CNTNAP4: variants seen among roughly 807,000 people sequenced by gnomAD.
CNTNAP4 encodes contactin associated protein family member 4, also known as contactin-associated protein-like 4.
Under a neutral mutation model 148.4 loss-of-function variants are expected in CNTNAP4, and 98 were observed. The ratio of observed to expected loss-of-function variants is 0.66; its 90% CI spans 0.56 to 0.78. The LOEUF (loss-of-function observed/expected upper bound fraction) is 0.78. CNTNAP4 is among the 30% of genes least tolerant of loss of function. The pLI, the probability that CNTNAP4 is intolerant of heterozygous loss-of-function variation, is 0.00. For synonymous variants in CNTNAP4, 730 were observed against 565.1 expected (o/e 1.29, Z -4.14); for missense variants, 1,935 against 1,565.6 (o/e 1.24, Z -3.98).
chr16:76,408,724 A>T (rs1271482962), intron 3 of CNTNAP4, among the ~76,000 whole-genome samples: 1 of 152,090 alleles, frequency 6.6e-6, no homozygotes. Flanking sequence ...TCAATAGTTA[A>T]CTGGAAAACA....
At chr16:76,309,245 G>A (rs1183204534) in intron 1 of CNTNAP4, among the ~76,000 whole-genome samples, 2 of 152,068 alleles carry the variant, frequency 1.3e-5, no homozygotes, top group Non-Finnish European at 2.9e-5. Context: ...AGATGGCAGA[G>A]CTGGGGGAAA....
chr16:76,293,025 G>A (rs1215417748), intron 1 of CNTNAP4, among the ~76,000 whole-genome samples: 3 of 152,074 alleles, frequency 2.0e-5, no homozygotes, highest in Non-Finnish European at 2.9e-5. Context: ...TTCAGGCCAC[G>A]TTTTACCTCA....
At chr16:76,539,023 G>T (rs1467071200) in intron 19 of CNTNAP4, among the ~76,000 whole-genome samples, 1 of 151,962 alleles carries the variant, frequency 6.6e-6, no homozygotes, top group Non-Finnish European at 1.5e-5. Flanking sequence ...CAAGGGTACT[G>T]TACTGAACAC....
At chr16:76,353,967 A>G (rs1422940368) in intron 2 of CNTNAP4, among the ~76,000 whole-genome samples, 1 of 152,220 alleles carries the variant, frequency 6.6e-6, no homozygotes, top group Non-Finnish European at 1.5e-5. Context: ...GTTTCATAAA[A>G]TGGGTCATGT....
chr16:76,466,710 AAATC>A (rs2081188095), intron 9 of CNTNAP4, among the ~76,000 whole-genome samples: 1 of 152,074 alleles, frequency 6.6e-6, no homozygotes, highest in African/African-American at 2.4e-5. Context: ...TGTTAGAAAA[AAATC>A]AATATAGATG....
chr16:76,336,198 G>C (rs933655017), intron 2 of CNTNAP4, among the ~76,000 whole-genome samples: 2 of 151,962 alleles, frequency 1.3e-5, no homozygotes, highest in Non-Finnish European at 2.9e-5. Flanking sequence ...AGATTGGGTT[G>C]GGAAAAAAAA....
chr16:76,554,048 A>G (rs1365626566), intron 23 of CNTNAP4, 141 bp downstream of exon 23: 4 of 550,080 alleles, frequency 7.3e-6, no homozygotes, highest in Non-Finnish European at 1.3e-5. Context: ...GGGGTGATTT[A>G]CTATTTGTAC....
At chr16:76,522,626 CT>C (rs2083505089) in intron 17 of CNTNAP4, among the ~76,000 whole-genome samples, 1 of 117,288 alleles carries the variant, frequency 8.5e-6, no homozygotes, top group South Asian at 2.7e-4. Context: ...TCCTTCCTTC[CT>C]TCCTTCCTTC....
chr16:76,526,378 G>A (rs746374387), intron 17 of CNTNAP4, among the ~76,000 whole-genome samples: 1 of 152,134 alleles, frequency 6.6e-6, no homozygotes, highest in Non-Finnish European at 1.5e-5. Flanking sequence ...GAGGACTATG[G>A]ATTTTACTCT....
At chr16:76,349,315 A>C (rs1567805290) in intron 2 of CNTNAP4, among the ~76,000 whole-genome samples, 1 of 152,164 alleles carries the variant, frequency 6.6e-6, no homozygotes, top group African/African-American at 2.4e-5. Flanking sequence ...TCATGGCTCA[A>C]GGTCACCTGC....
At chr16:76,469,431 T>TG (rs2081290273) in intron 10 of CNTNAP4, 1 of 152,142 alleles carries the variant, frequency 6.6e-6, no homozygotes, top group Non-Finnish European at 1.5e-5. Flanking sequence ...ATAGGAGACT[T>TG]GCTTACAGAG....
At chr16:76,294,247 A>C (rs4644883) in intron 1 of CNTNAP4, among the ~76,000 whole-genome samples, 70,995 of 151,898 alleles carry the variant, frequency 0.47, 16,808 homozygotes, top group Admixed American at 0.51. Flanking sequence ...TCTAACAAAG[A>C]GCAGACTGTG....
chr16:76,439,179 C>A (rs1333444621), intron 4 of CNTNAP4, among the ~76,000 whole-genome samples: 1 of 151,934 alleles, frequency 6.6e-6, no homozygotes, highest in Non-Finnish European at 1.5e-5. Flanking sequence ...ACACAGCATT[C>A]AATAACTATT....
chr16:76,505,057 G>A (rs1021449986), intron 15 of CNTNAP4, among the ~76,000 whole-genome samples: 1 of 152,068 alleles, frequency 6.6e-6, no homozygotes, highest in African/African-American at 2.4e-5. Flanking sequence ...AAAGAATTTG[G>A]TTTCTTATAA....
intron 15 of CNTNAP4, among the ~76,000 whole-genome samples, chr16:76,502,024 C>G (rs977734702): frequency 2.0e-5 from 3 of 151,578 alleles, no homozygotes; most frequent in African/African-American, 4.8e-5. Context: ...AGCCGAGATC[C>G]CGCCACTGCA....
intron 15 of CNTNAP4, among the ~76,000 whole-genome samples, chr16:76,514,228 C>T (rs1266602760): frequency 6.6e-6 from 1 of 152,152 alleles, no homozygotes. Context: ...AGGGATGATG[C>T]AGTGGCAAAC....
chr16:76,552,229 A>T (rs566521074), intron 21 of CNTNAP4, among the ~76,000 whole-genome samples: 2 of 152,300 alleles, frequency 1.3e-5, no homozygotes, highest in African/African-American at 4.8e-5. Context: ...GCATGGGGGA[A>T]ACTGCCTCCA....
intron 2 of CNTNAP4, among the ~76,000 whole-genome samples, chr16:76,331,757 A>G (rs906336876): frequency 5.9e-5 from 9 of 152,302 alleles, no homozygotes; most frequent in African/African-American, 2.2e-4. Flanking sequence ...GAAAAGGGGA[A>G]TTACAAACCT....
chr16:76,349,567 A>G (rs1273601933), intron 2 of CNTNAP4, among the ~76,000 whole-genome samples: 1 of 152,158 alleles, frequency 6.6e-6, no homozygotes, highest in Non-Finnish European at 1.5e-5. Context: ...ATTTCCTTAC[A>G]TTATTATAAT....
Sources: gnomAD v4.1 joint callset for allele counts (sites outside exome capture counted in the v4.1 genomes callset) on GRCh38, gnomAD v4.1.1 for gene constraint, MANE v1.5 for transcripts, NCBI Gene and HGNC (gene_info 2026-07-23, HGNC 2026-07-21) for gene names.